Variants in ADAM8 observed in about 807,000 individuals in gnomAD.
ADAM8 encodes disintegrin and metalloproteinase domain-containing protein 8.
A neutral mutation model predicts 102.4 loss-of-function variants in ADAM8; 104 were observed. The ratio of observed to expected loss-of-function variants is 1.02; its 90% CI spans 0.87 to 1.20. ADAM8 has a LOEUF of 1.20. Among genes scored for constraint, ADAM8 ranks in the 50% most tolerant of loss-of-function variants. The probability of loss-of-function intolerance (pLI) is 0.00; values close to 1 mark genes in which losing one functional copy is unlikely to be tolerated. For missense variants in ADAM8, 1,132 were observed against 1,159.0 expected (o/e 0.98, Z 0.34); for synonymous variants, 517 against 485.2 (o/e 1.07, Z -0.86).
At position 133,272,453 on chromosome 10, in the gene ADAM8, T is replaced by C. The variant is rs779633232; in HGVS notation, c.838A>G (p.Thr280Ala). The C allele has an allele frequency of 3.1e-6, 5 of 1,609,424 alleles. No homozygotes were observed. Among genetic ancestry groups the C allele is most frequent in the Non-Finnish European group, 4.2e-6 (5 of 1,179,014 alleles). ...NLLTWQARQR[T>A]RRHLHDNVQL... is the part of the protein sequence containing the mutation. ...ACGTTGTCATGCAGGTGCCGCCGTGTCCGTTGCCGTGCCTGCCAGGTCAGG... is the reference window on the plus strand; with the variant it reads ...ACGTTGTCATGCAGGTGCCGCCGTGCCCGTTGCCGTGCCTGCCAGGTCAGG... Residue 280 changes from threonine (T) to alanine (A), a missense_variant, in exon 9 of 23, where the codon ACA (threonine) becomes GCA (alanine). Coordinates refer to ENST00000445355, the MANE Select transcript of ADAM8 (RefSeq NM_001109.5).
intron 2 of ADAM8, chr10:133,274,774 T>G: frequency 2.7e-6 from 1 of 377,316 alleles, no homozygotes; most frequent in South Asian, 1.8e-5. Context: ...CCAGGACCCA[T>G]CCCTTCCAGC....
At chr10:133,272,324 T>C (rs1846560560) in intron 9 of ADAM8, 50 bp from the exon 10 acceptor site, 2 of 1,430,690 alleles carry the variant, frequency 1.4e-6, no homozygotes, top group East Asian at 2.5e-5. Flanking sequence ...CCTCCCCACT[T>C]CCCTCCCACC....
In ADAM8 at chr10:133,273,792, G is replaced by T; in HGVS notation, c.353C>A (p.Ala118Asp). The T allele has an allele frequency of 6.5e-7, 1 of 1,548,832 alleles. No homozygotes were observed. Among genetic ancestry groups the T allele is most frequent in the South Asian group, 1.2e-5 (1 of 84,020 alleles). The change falls in exon 5 of 23, where the codon GCC becomes GAC. Residue 118 changes from alanine (A) to aspartate (D), a missense_variant. Transcript: ENST00000445355. The part of the protein sequence containing the change: ...QGHVEGYPDS[A>D]ASLSTCAGLR... ...GCCGGCACAGGTGCTGAGGCTGGCG[G>T]CTGAGTCCGGGTACCCCTCTACGTG... is the stretch of plus-strand genomic sequence containing the variant.
chr10:133,272,359 C>T (rs951529526), intron 9 of ADAM8, 57 bp downstream of exon 9: 1 of 1,253,086 alleles, frequency 8.0e-7, no homozygotes, highest in African/African-American at 1.5e-5. Context: ...CCTTCCACCC[C>T]ACCCTGCCCG....
At chr10:133,271,101 G>C (rs369406097) in intron 13 of ADAM8, 31 bp from the exon 14 acceptor site, 3 of 1,600,448 alleles carry the variant, frequency 1.9e-6, no homozygotes, top group Non-Finnish European at 2.6e-6. Context: ...TCACCATGGG[G>C]ACAGGTCCAC....
chr10:133,272,321 A>AC, intron 9 of ADAM8, 47 bp from the exon 10 acceptor site: 1 of 1,373,460 alleles, frequency 7.3e-7, no homozygotes. Context: ...CTCCCTCCCC[A>AC]CTTCCCTCCC....
Position 133,263,708 on chromosome 10 carries a change from C to T in ADAM8, c.2377G>A (p.Ala793Thr), listed in dbSNP as rs868824776. The T allele has an allele frequency of 6.5e-7, 1 of 1,541,124 alleles. No individual in the cohort carries two copies. The highest frequency in any genetic ancestry group is 2.0e-5 in the Admixed American group (1 of 51,234). Residue 793 changes from alanine (A) to threonine (T), a missense_variant, in exon 22 of 23, where the codon GCC becomes ACC. Transcript: ENST00000445355. Reference sequence around the variant, plus strand: ...CTCACCTCAGCTGGACCAGGGTTGGCCGCACCAGCCCCGGGTTTGACTGGG... The same window carrying T: ...CTCACCTCAGCTGGACCAGGGTTGGTCGCACCAGCCCCGGGTTTGACTGGG... ...VPPVKPGAGA[A>T]NPGPAEGAVG...
intron 20 of ADAM8, 41 bp from the exon 21 acceptor site, chr10:133,267,458 C>A (rs1291458638): frequency 1.9e-6 from 3 of 1,555,192 alleles, no homozygotes; most frequent in African/African-American, 1.4e-5. Context: ...AGAGCTGGGA[C>A]CCCCGTGCCC....
Position 133,271,832 on chromosome 10 carries a change from G to A in ADAM8, c.1080C>T (p.Gly360=). 6.2e-7 allele frequency: 1 copy of A among 1,612,234 alleles called. No individual in the cohort carries two copies. The highest frequency in any genetic ancestry group is 1.1e-5 in the South Asian group (1 of 91,074). ...GCRCQERFEA[G]RCIMAGSIGS... is the part of the protein sequence containing the mutation. ...CAATGCTGCCCGCCATGATGCAGCG[G>A]CCGGCCTCGAAGCGTTCCTGGCAGC... Residue 360 remains glycine (G), a synonymous_variant, in exon 11 of 23, where the codon GGC becomes GGT. Transcript: ENST00000445355.
Position 133,270,726 on chromosome 10 carries a change from C to T in ADAM8, c.1634+10G>A. The T allele has an allele frequency of 1.1e-6, 1 of 916,624 alleles. No individual in the cohort carries two copies. Among genetic ancestry groups the T allele is most frequent in the Non-Finnish European group, 1.6e-6 (1 of 623,634 alleles). The allele number at this position is 916,624 out of a possible 1,614,324, so 56.8% of individuals were successfully genotyped here. On this transcript the variant is annotated intron_variant, in intron 15 of 22. Transcript: ENST00000445355. ...GCACATGTCCTGGGCCCAGGGCGGT[C>T]TCAGCTCACCTGTACCGGCTGGCCT...
intron 10 of ADAM8, 101 bp from the exon 11 acceptor site, chr10:133,272,055 C>T (rs1489774210): frequency 6.4e-7 from 1 of 1,550,406 alleles, no homozygotes; most frequent in Non-Finnish European, 8.8e-7. Flanking sequence ...TTCCCGCCAA[C>T]ACCACCTTAA....
chr10:133,276,216 T>G lies in ADAM8; in HGVS notation c.46+556A>C, dbSNP rs1218752449. Among the ~76,000 whole-genome samples the G allele has an allele frequency of 4.6e-5, 7 of 152,250 alleles. No individual in the cohort carries two copies. In the East Asian group the frequency reaches 1.4e-3, roughly 29 times the overall value. Reference sequence around the variant, plus strand: ...GCAGCAGGGGAGCAGCCAGCCCCTATCTGCCCAGGAAACTGGCGGGAAGCA... The same window carrying G: ...GCAGCAGGGGAGCAGCCAGCCCCTAGCTGCCCAGGAAACTGGCGGGAAGCA... On this transcript the variant is annotated intron_variant, in intron 1 of 22. Coordinates refer to ENST00000445355, the MANE Select transcript of ADAM8 (RefSeq NM_001109.5).
intron 17 of ADAM8, 118 bp downstream of exon 17, chr10:133,269,779 A>G: frequency 1.6e-6 from 2 of 1,249,294 alleles, no homozygotes; most frequent in Non-Finnish European, 2.3e-6. Context: ...ACCCCCATGG[A>G]CAGGACACGC....
intron 19 of ADAM8, among the ~76,000 whole-genome samples, chr10:133,268,499 C>T (rs1366867782): frequency 2.6e-5 from 4 of 152,110 alleles, no homozygotes; most frequent in Admixed American, 2.6e-4. Flanking sequence ...TGCCCCAAGC[C>T]CAACCGGCCA....
At chr10:133,271,501 G>A (rs750015503) in intron 12 of ADAM8, 27 bp downstream of exon 12, 56 of 1,532,082 alleles carry the variant, frequency 3.7e-5, no homozygotes, top group Admixed American at 3.6e-4. Flanking sequence ...CAGTGCTGAC[G>A]GGAGCAGGTA....
At chr10:133,273,103 G>T in intron 6 of ADAM8, 84 bp from the exon 7 acceptor site, 1 of 1,604,358 alleles carries the variant, frequency 6.2e-7, no homozygotes, top group Non-Finnish European at 8.5e-7. Flanking sequence ...CCACTGTCCA[G>T]CCCCTGTCCA....
At chr10:133,266,343 G>A (rs904146605) in intron 21 of ADAM8, among the ~76,000 whole-genome samples, 4 of 152,164 alleles carry the variant, frequency 2.6e-5, no homozygotes, top group African/African-American at 4.8e-5. Context: ...CAGGCCAGGC[G>A]AAGGGCATGC....
In ADAM8 at chr10:133,270,487, T is replaced by A; in HGVS notation, c.1658A>T (p.Gln553Leu). 1 of 1,598,980 alleles carries A rather than the reference T, an allele frequency of 6.3e-7. No individual in the cohort carries two copies. The highest frequency in any genetic ancestry group is 8.6e-7 in the Non-Finnish European group (1 of 1,168,904). ...RYRADMCGVL[Q>L]CKGGQQPLGR... ...CAGGGGCTGCTGCCCACCCTTGCAC[T>A]GCAGAACGCCACACATGTCAGCCCT... The change falls in exon 16 of 23, where the codon CAG becomes CTG. Residue 553 changes from glutamine (Q) to leucine (L), a missense_variant. Gln to Leu is a moderately radical substitution (Grantham distance 113). Transcript: ENST00000445355.
chr10:133,266,525 G>A (rs993952590), intron 21 of ADAM8, among the ~76,000 whole-genome samples: 22 of 152,098 alleles, frequency 1.4e-4, no homozygotes, highest in African/African-American at 4.8e-4. Context: ...GGGGGTCCCC[G>A]GAGATGCACC....
Sources: allele counts gnomAD v4.1 joint callset (sites outside exome capture counted in the v4.1 genomes callset), GRCh38; gene constraint gnomAD v4.1.1; transcripts MANE v1.5; gene names NCBI Gene and HGNC (gene_info 2026-07-23, HGNC 2026-07-21).